CCNY: variants seen among roughly 807,000 people sequenced by gnomAD.
The protein encoded by CCNY is cyclin-Y.
A neutral mutation model predicts 42.8 loss-of-function variants in CCNY; 19 were observed. That is an observed-to-expected ratio of 0.44 (90% CI 0.31 to 0.65). CCNY has a LOEUF of 0.65. Among genes scored for constraint, CCNY ranks in the 30% least tolerant of loss-of-function variants. CCNY has a pLI of 0.07. For synonymous variants in CCNY, 165 were observed against 162.7 expected (o/e 1.01, Z -0.11); for missense variants, 370 against 437.3 (o/e 0.85, Z 1.37).
chr10:35,335,653 TACCAGCCCGGGTTACGAAGCGAG>T (rs1836006831), upstream of CCNY, among the ~76,000 whole-genome samples: 1 of 151,976 alleles, frequency 6.6e-6, no homozygotes, highest in African/African-American at 2.4e-5. Context: ...AGGAGTTCGA[TACCAGCCCGGGTTACGAAGCGAG>T]ATCCCATCTC....
chr10:35,305,322 A>G lies in CCNY; in HGVS notation c.-9+54696A>G, dbSNP rs563760799. On this transcript the variant is annotated intron_variant, in intron 3 of 11. Transcript: ENST00000374706. ...GCTAAGGAGTAAATTGTAAAAATAC[A>G]TGCTGTTACTCTTTGAAATGTGGAG... Among the ~76,000 whole-genome samples the G allele has an allele frequency of 3.9e-5, 6 of 152,342 alleles. No homozygotes were observed. In the South Asian group the frequency reaches 1.2e-3, roughly 32 times the overall value.
chr10:35,337,060 A>C lies in CCNY; in HGVS notation c.7A>C (p.Asn3His). 1 of 1,572,780 alleles carries C rather than the reference A, an allele frequency of 6.4e-7. No homozygotes were observed. Among genetic ancestry groups the C allele is most frequent in the Non-Finnish European group, 8.6e-7 (1 of 1,160,786 alleles). Residue 3 changes from asparagine to histidine, a missense_variant, in exon 1 of 10, where the codon AAC becomes CAC. Asn to His is a moderately conservative substitution (Grantham distance 68). Around this residue, in one of 2 missense-constraint regions of CCNY, gnomAD observed 136 missense variants for 124.2 expected, o/e 1.09. Transcript: ENST00000374704. ...AGTCGGGGGGCCGCCGAAGATGGGGAACACTACCTCGTGCTGCGTGTCGTC... is the reference window on the plus strand; with the variant it reads ...AGTCGGGGGGCCGCCGAAGATGGGGCACACTACCTCGTGCTGCGTGTCGTC... MG[N>H]TTSCCVSSSP...
At chr10:35,550,778 C>T (rs995685833) in intron 7 of CCNY, among the ~76,000 whole-genome samples, 2 of 152,160 alleles carry the variant, frequency 1.3e-5, no homozygotes, top group Admixed American at 6.5e-5. Context: ...TTTACTCCCC[C>T]CTCTTCTTTG....
At chr10:35,441,149 G>A (rs112955404) in intron 1 of CCNY, among the ~76,000 whole-genome samples, 238 of 152,340 alleles carry the variant, frequency 1.6e-3, no homozygotes, top group African/African-American at 5.2e-3. Context: ...GGGAGAGTCT[G>A]TAGCACTGAC....
At chr10:35,558,276 A>G (rs1267883719) in intron 8 of CCNY, among the ~76,000 whole-genome samples, 1 of 152,206 alleles carries the variant, frequency 6.6e-6, no homozygotes, top group Non-Finnish European at 1.5e-5. Flanking sequence ...CTTCCAGGGT[A>G]GGAGAAGAGC....
chr10:35,559,514 A>G (rs1271279257), intron 8 of CCNY, among the ~76,000 whole-genome samples: 1 of 152,210 alleles, frequency 6.6e-6, no homozygotes, highest in Non-Finnish European at 1.5e-5. Flanking sequence ...TCCATATGGC[A>G]AAAAAATGGG....
chr10:35,493,661 G>A (rs1169691207), intron 2 of CCNY, among the ~76,000 whole-genome samples: 3 of 152,158 alleles, frequency 2.0e-5, no homozygotes, highest in African/African-American at 7.2e-5. Flanking sequence ...TGGAGGCTTA[G>A]ATCCAACACT....
At chr10:35,392,579 G>C (rs764155944) in intron 1 of CCNY, among the ~76,000 whole-genome samples, 1 of 152,232 alleles carries the variant, frequency 6.6e-6, no homozygotes, top group Admixed American at 6.5e-5. Flanking sequence ...CAGATGGCCA[G>C]ATGGCACTGA....
intron 3 of CCNY, among the ~76,000 whole-genome samples, chr10:35,291,115 C>G (rs1835408592): frequency 6.6e-6 from 1 of 152,038 alleles, no homozygotes; most frequent in Non-Finnish European, 1.5e-5. Context: ...AAGCGATTCT[C>G]CCACCTCAGC....
chr10:35,493,691 A>G (rs1276673101), intron 2 of CCNY, among the ~76,000 whole-genome samples: 1 of 152,224 alleles, frequency 6.6e-6, no homozygotes, highest in Non-Finnish European at 1.5e-5. Context: ...ATCTTGGTGC[A>G]TATGATCCAT....
At chr10:35,520,953 G>C (rs1295765456) in intron 4 of CCNY, among the ~76,000 whole-genome samples, 1 of 152,148 alleles carries the variant, frequency 6.6e-6, no homozygotes, top group East Asian at 1.9e-4. Context: ...CATACCATCA[G>C]GGTCCTTGGC....
rs146382226 is a variant in CCNY, at chr10:35,438,400, C to T, written c.155-45004C>T. Reference sequence around the variant, plus strand: ...TGAACTCTTGGGCTCAAGTGATCCTCCTGCCTCAGCCTTCCAAAGTGCCCA... The same window carrying T: ...TGAACTCTTGGGCTCAAGTGATCCTTCTGCCTCAGCCTTCCAAAGTGCCCA... On this transcript the variant is annotated intron_variant, in intron 1 of 9. Transcript: ENST00000374704. Among the ~76,000 whole-genome samples the T allele has an allele frequency of 3.9e-4, 59 of 152,206 alleles. No individual in the cohort carries two copies. In the East Asian group the frequency reaches 0.011, roughly 28 times the overall value.
At chr10:35,380,565 A>G (rs1224100968) in intron 1 of CCNY, among the ~76,000 whole-genome samples, 1 of 152,236 alleles carries the variant, frequency 6.6e-6, no homozygotes, top group Non-Finnish European at 1.5e-5. Context: ...TATTTCACCC[A>G]GATTTAGTAA....
chr10:35,459,215 A>G (rs1424969399), intron 1 of CCNY, among the ~76,000 whole-genome samples: 9 of 152,222 alleles, frequency 5.9e-5, no homozygotes, highest in Admixed American at 5.9e-4. Flanking sequence ...CGTGAGAGGC[A>G]GAGCTGAGAG....
At chr10:35,496,035 A>G (rs924566661) in intron 2 of CCNY, among the ~76,000 whole-genome samples, 2 of 152,252 alleles carry the variant, frequency 1.3e-5, no homozygotes, top group Admixed American at 6.5e-5. Context: ...CCCACAGGAA[A>G]AAGGAAAGGG....
chr10:35,300,300 G>T (rs1361447189), intron 3 of CCNY, among the ~76,000 whole-genome samples: 1 of 151,934 alleles, frequency 6.6e-6, no homozygotes. Flanking sequence ...AGGCTGCCAC[G>T]CCCTGCCTGA....
Position 35,529,959 on chromosome 10 carries a change from A to T in CCNY, c.402-14A>T. ...CAGAAAGTAAGTTTCATTTTCTATT[A>T]TTTTCCCTACCAGGGACCCAGATGG... On this transcript the variant is annotated splice_polypyrimidine_tract_variant and intron_variant, in intron 5 of 9. Transcript: ENST00000374704. 6.2e-7 allele frequency: 1 copy of T among 1,607,064 alleles called. No individual in the cohort carries two copies. The highest frequency in any genetic ancestry group is 8.5e-7 in the Non-Finnish European group (1 of 1,174,248).
At chr10:35,543,849 G>A (rs549066616) in intron 7 of CCNY, among the ~76,000 whole-genome samples, 1 of 152,286 alleles carries the variant, frequency 6.6e-6, no homozygotes, top group East Asian at 1.9e-4. Context: ...GGAAAACAGC[G>A]ATATTGATCA....
At chr10:35,343,667 G>A (rs907350258) in intron 1 of CCNY, among the ~76,000 whole-genome samples, 2 of 152,198 alleles carry the variant, frequency 1.3e-5, no homozygotes, top group South Asian at 2.1e-4. Flanking sequence ...TGGGATTATA[G>A]GTGTGAGCCA....
Sources: gnomAD v4.1 joint callset for allele counts (sites outside exome capture counted in the v4.1 genomes callset) on GRCh38, gnomAD v4.1.1 for gene constraint, gnomAD v4.1.1 regional missense constraint, MANE v1.5 for transcripts, NCBI Gene and HGNC (gene_info 2026-07-23, HGNC 2026-07-21) for gene names.